Variants in DGKI observed in about 807,000 individuals in gnomAD.
DGKI encodes the protein diacylglycerol kinase iota.
DGKI carries 55 observed loss-of-function variants against 147.5 expected under a neutral mutation model. The observed-to-expected ratio is 0.37, with a 90% CI of 0.30 to 0.47. DGKI has a LOEUF of 0.47. Among genes scored for constraint, DGKI ranks in the 20% least tolerant of loss-of-function variants. DGKI has a pLI of 1.00. For synonymous variants in DGKI, 469 were observed against 477.1 expected (o/e 0.98, Z 0.22); for missense variants, 1,007 against 1,323.8 (o/e 0.76, Z 3.71).
intron 1 of DGKI, among the ~76,000 whole-genome samples, chr7:137,755,263 G>T (rs529496030): frequency 9.5e-4 from 145 of 152,290 alleles, no homozygotes; most frequent in African/African-American, 3.5e-3. Context: ...AAATGATAAA[G>T]ATGTGAGGTC....
intron 23 of DGKI, among the ~76,000 whole-genome samples, chr7:137,479,746 T>C (rs1347045092): frequency 1.3e-5 from 2 of 152,196 alleles, no homozygotes; most frequent in African/African-American, 4.8e-5. Flanking sequence ...CATTTAATAA[T>C]GGCCAATCAA....
At chr7:137,691,566 G>T (rs1823603981) in intron 1 of DGKI, among the ~76,000 whole-genome samples, 1 of 152,130 alleles carries the variant, frequency 6.6e-6, no homozygotes, top group South Asian at 2.1e-4. Context: ...GGAAGGAATA[G>T]GAACAGAATT....
In DGKI at chr7:137,381,186, C is replaced by G. The variant is rs565987280; in HGVS notation, c.*10034G>C. ...CATTGAAAATCTCTGTAGTGCAACACAGTGATCAAGATACTTTATATAAAT... is the reference window on the plus strand; with the variant it reads ...CATTGAAAATCTCTGTAGTGCAACAGAGTGATCAAGATACTTTATATAAAT... On this transcript the variant is annotated 3_prime_UTR_variant, in exon 33 of 33. Coordinates refer to ENST00000614521, the MANE Select transcript of DGKI (RefSeq NM_001321708.2). The G allele has an allele frequency of 4.6e-5, 7 of 152,056 alleles. No homozygotes were observed. Among genetic ancestry groups the G allele is most frequent in the African/African-American group, 1.4e-4 (6 of 41,500 alleles). The allele number at this position is 152,056 out of a possible 1,614,324, so 9.4% of individuals were successfully genotyped here.
intron 27 of DGKI, among the ~76,000 whole-genome samples, chr7:137,455,704 G>A (rs140690748): frequency 6.6e-6 from 1 of 151,032 alleles, no homozygotes; most frequent in East Asian, 2.0e-4. Flanking sequence ...CTAGCATGGT[G>A]TGGAGATATC....
At position 137,544,286 on chromosome 7, in the gene DGKI, C is replaced by G. The variant is rs565154741; in HGVS notation, c.2147+8083G>C. Among the ~76,000 whole-genome samples, 3 of 152,194 alleles carry G rather than the reference C, an allele frequency of 2.0e-5. No individual in the cohort carries two copies. In the South Asian group the frequency reaches 6.2e-4, roughly 32 times the overall value. ...AATTCTTTGATCACAATCAACGGAG[C>G]CACTAAAAATAATGATCACATGCAG... On this transcript the variant is annotated intron_variant, in intron 20 of 32. Coordinates refer to ENST00000614521, the MANE Select transcript of DGKI (RefSeq NM_001321708.2).
intron 1 of DGKI, among the ~76,000 whole-genome samples, chr7:137,706,926 C>T (rs1794051663): frequency 6.6e-6 from 1 of 152,294 alleles, no homozygotes; most frequent in African/African-American, 2.4e-5. Context: ...AGGTTATTGA[C>T]CTTCCAGAGG....
intron 16 of DGKI, 50 bp downstream of exon 16, chr7:137,578,220 A>G (rs746191204): frequency 7.6e-7 from 1 of 1,319,814 alleles, no homozygotes; most frequent in Non-Finnish European, 1.1e-6. Flanking sequence ...ATACACAGTG[A>G]ATTGGCAATA....
chr7:137,742,739 T>G (rs931482746), intron 1 of DGKI, among the ~76,000 whole-genome samples: 85 of 151,782 alleles, frequency 5.6e-4, no homozygotes, highest in African/African-American at 1.9e-3. Context: ...AAAAATAAAG[T>G]CAGAAAGGAA....
At chr7:137,636,082 C>T (rs955499270) in intron 6 of DGKI, among the ~76,000 whole-genome samples, 1 of 152,184 alleles carries the variant, frequency 6.6e-6, no homozygotes, top group African/African-American at 2.4e-5. Flanking sequence ...CTAGCTGTTA[C>T]CTGACAACAG....
chr7:137,624,512 C>A (rs1820863711), intron 6 of DGKI, among the ~76,000 whole-genome samples: 1 of 152,156 alleles, frequency 6.6e-6, no homozygotes, highest in African/African-American at 2.4e-5. Context: ...TAAATTATGT[C>A]CCAATGGCAT....
intron 22 of DGKI, among the ~76,000 whole-genome samples, chr7:137,487,370 T>C (rs1251373364): frequency 1.3e-5 from 2 of 152,148 alleles, no homozygotes; most frequent in Non-Finnish European, 2.9e-5. Context: ...CAAGCTATAG[T>C]TATGGAACAC....
At chr7:137,576,344 A>G (rs1471397401) in intron 17 of DGKI, among the ~76,000 whole-genome samples, 1 of 151,766 alleles carries the variant, frequency 6.6e-6, no homozygotes, top group Non-Finnish European at 1.5e-5. Context: ...GGCCCATCAA[A>G]ATTATTCTTA....
chr7:137,707,256 G>A (rs1391659136), intron 1 of DGKI, among the ~76,000 whole-genome samples: 1 of 152,172 alleles, frequency 6.6e-6, no homozygotes, highest in Non-Finnish European at 1.5e-5. Flanking sequence ...TAGCATTTTG[G>A]AAGAAGGAAG....
intron 23 of DGKI, among the ~76,000 whole-genome samples, chr7:137,479,814 C>T (rs1304089508): frequency 2.6e-5 from 4 of 152,046 alleles, no homozygotes; most frequent in African/African-American, 9.7e-5. Context: ...ATCTGTCTGC[C>T]CCAACATCTC....
At chr7:137,670,305 A>G (rs1419083188) in intron 3 of DGKI, among the ~76,000 whole-genome samples, 3 of 152,188 alleles carry the variant, frequency 2.0e-5, no homozygotes, top group African/African-American at 7.2e-5. Context: ...CACTATCCCC[A>G]TTACATGAAG....
rs1816976542 is a variant in DGKI at position 137,521,969 on chromosome 7, G to A, written c.2148-3C>T. The A allele has an allele frequency of 1.2e-6, 2 of 1,607,332 alleles. No homozygotes were observed. Among genetic ancestry groups the A allele is most frequent in the Non-Finnish European group, 1.7e-6 (2 of 1,176,292 alleles). ...GACGATCTGGGACAGACTGGGGACT[G>A]CAAAACAAGAACCGAGTGGTCAGAT... On this transcript the variant is annotated splice_region_variant and splice_polypyrimidine_tract_variant and intron_variant, in intron 20 of 32. Transcript: ENST00000614521.
intron 1 of DGKI, among the ~76,000 whole-genome samples, chr7:137,813,605 C>T (rs540392720): frequency 6.6e-6 from 1 of 152,188 alleles, no homozygotes; most frequent in Non-Finnish European, 1.5e-5. Flanking sequence ...CCTTCCTCCA[C>T]CTCAGAGGAA....
At chr7:137,593,578 C>T (rs537931084) in intron 12 of DGKI, among the ~76,000 whole-genome samples, 7 of 152,290 alleles carry the variant, frequency 4.6e-5, no homozygotes, top group East Asian at 1.9e-4. Flanking sequence ...CACTGTCCAA[C>T]GCAGCAGCCA....
rs1585507714 is a variant in DGKI at position 137,799,705 on chromosome 7, G to C, written c.401+46757C>G. ...TGATCAAAATCTGCTTCTGATGTAA[G>C]CCAGCCAGCCTCATCTACCAATCAA... On this transcript the variant is annotated intron_variant, in intron 1 of 32. Transcript: ENST00000614521. 1.3e-5 allele frequency among the ~76,000 whole-genome samples: 2 copies of C among 152,154 alleles called. 1 individual carries two copies. The highest frequency in any genetic ancestry group is 4.1e-4 in the South Asian group (2 of 4,830).
Sources: allele counts gnomAD v4.1 joint callset (sites outside exome capture counted in the v4.1 genomes callset), GRCh38; gene constraint gnomAD v4.1.1; transcripts MANE v1.5; gene names NCBI Gene and HGNC (gene_info 2026-07-23, HGNC 2026-07-21).